Variants in DGKB observed in about 807,000 individuals in gnomAD.
DGKB encodes 90 kDa diacylglycerol kinase.
In DGKB, 67 loss-of-function variants were observed where a neutral mutation model predicts 114.3. The ratio of observed to expected loss-of-function variants is 0.59; its 90% confidence interval spans 0.48 to 0.72. DGKB has a LOEUF of 0.72. Ranked by LOEUF, DGKB falls within the 30% of genes least tolerant of loss-of-function variation. The probability of loss-of-function intolerance (pLI) is 0.00; values close to 1 mark genes in which losing one functional copy is unlikely to be tolerated. For synonymous variants in DGKB, 398 were observed against 323.1 expected (o/e 1.23, Z -2.49); for missense variants, 907 against 975.2 (o/e 0.93, Z 0.93).
chr7:14,690,048 T>C lies in DGKB; in HGVS notation c.711+4027A>G, dbSNP rs146181424. 5.9e-5 allele frequency among the ~76,000 whole-genome samples: 9 copies of C among 152,338 alleles called. No individual in the cohort carries two copies. In the East Asian group the frequency reaches 1.4e-3, roughly 23 times the overall value. On this transcript the variant is annotated intron_variant, in intron 9 of 25. Coordinates refer to ENST00000402815, the MANE Select transcript of DGKB (RefSeq NM_001350709.2). ...TAGATGTGGGTACAACAATCCACAA[T>C]AACAAGTTAAGGTATCGCTATTTCA...
intron 23 of DGKB, among the ~76,000 whole-genome samples, chr7:14,223,768 T>C (rs946400073): frequency 3.3e-5 from 5 of 151,740 alleles, no homozygotes; most frequent in Non-Finnish European, 7.4e-5. Context: ...TTTTGATCAA[T>C]ACAGAATTCA....
At chr7:14,698,482 T>G (rs1980336) in intron 7 of DGKB, among the ~76,000 whole-genome samples, 1 of 152,122 alleles carries the variant, frequency 6.6e-6, no homozygotes, top group Non-Finnish European at 1.5e-5. Context: ...TACTGTCACA[T>G]GTGATTTTTA....
chr7:14,302,303 A>G (rs113143533), intron 23 of DGKB, among the ~76,000 whole-genome samples: 1 of 152,126 alleles, frequency 6.6e-6, no homozygotes, highest in African/African-American at 2.4e-5. Flanking sequence ...TGTTACTGCC[A>G]ATCTTCCTCT....
chr7:14,435,308 A>T, intron 21 of DGKB, among the ~76,000 whole-genome samples: 1 of 152,258 alleles, frequency 6.6e-6, no homozygotes, highest in Non-Finnish European at 1.5e-5. Flanking sequence ...CTGAGTTTTT[A>T]TGTGATTTGA....
chr7:14,800,099 G>A (rs765980336), intron 2 of DGKB, among the ~76,000 whole-genome samples: 1 of 152,050 alleles, frequency 6.6e-6, no homozygotes, highest in African/African-American at 2.4e-5. Flanking sequence ...TGTGTTTTTA[G>A]TAGAGATGGG....
intron 20 of DGKB, among the ~76,000 whole-genome samples, chr7:14,493,925 T>TACACAC (rs372780599): frequency 0.01 from 1,430 of 137,694 alleles, 22 homozygotes; most frequent in African/African-American, 0.034. Flanking sequence ...CATGGTATCA[T>TACACAC]ACACACACAC....
intron 14 of DGKB, among the ~76,000 whole-genome samples, chr7:14,622,781 T>G (rs1807896938): frequency 6.6e-6 from 1 of 152,126 alleles, no homozygotes; most frequent in African/African-American, 2.4e-5. Flanking sequence ...CCAGCTGCAC[T>G]GGCTTCCTCA....
intron 1 of DGKB, among the ~76,000 whole-genome samples, chr7:14,873,186 G>C (rs1437145095): frequency 6.6e-6 from 1 of 152,020 alleles, no homozygotes. Flanking sequence ...TTTATCTTTG[G>C]GAAGTTCTTG....
At chr7:14,428,886 G>A (rs1940537709) in intron 21 of DGKB, among the ~76,000 whole-genome samples, 1 of 151,884 alleles carries the variant, frequency 6.6e-6, no homozygotes, top group Non-Finnish European at 1.5e-5. Flanking sequence ...CATTCCCCAA[G>A]CCCCTATTTT....
At chr7:14,702,315 T>C (rs995435567) in intron 6 of DGKB, among the ~76,000 whole-genome samples, 8 of 152,070 alleles carry the variant, frequency 5.3e-5, no homozygotes, top group African/African-American at 1.4e-4. Context: ...CCAAGCAGTA[T>C]GGGCGAGGAA....
At chr7:14,311,036 G>A (rs6942416) in intron 23 of DGKB, among the ~76,000 whole-genome samples, 33,161 of 151,884 alleles carry the variant, frequency 0.22, 5,944 homozygotes, top group African/African-American at 0.5. Flanking sequence ...GTTAAGGTGG[G>A]AGGATCACTT....
At chr7:14,513,971 C>T (rs534922706) in intron 20 of DGKB, among the ~76,000 whole-genome samples, 2 of 151,912 alleles carry the variant, frequency 1.3e-5, no homozygotes, top group East Asian at 3.9e-4. Flanking sequence ...TTAATTACCA[C>T]AAAAGCAATC....
At chr7:14,466,886 A>G (rs1780561602) in intron 21 of DGKB, among the ~76,000 whole-genome samples, 1 of 152,088 alleles carries the variant, frequency 6.6e-6, no homozygotes, top group Non-Finnish European at 1.5e-5. Context: ...CAGCCTGATG[A>G]CTTTGTCAGT....
chr7:14,886,292 A>T (rs999272140), intron 1 of DGKB, among the ~76,000 whole-genome samples: 1 of 151,894 alleles, frequency 6.6e-6, no homozygotes, highest in Non-Finnish European at 1.5e-5. Flanking sequence ...CATGGGAAGA[A>T]GTGTTTGGAA....
At chr7:14,475,757 C>G (rs1476707137) in intron 21 of DGKB, among the ~76,000 whole-genome samples, 2 of 152,058 alleles carry the variant, frequency 1.3e-5, no homozygotes, top group African/African-American at 4.8e-5. Flanking sequence ...TTGAAGTTTA[C>G]AAACACATTG....
chr7:14,929,510 T>G (rs560922772), intron 1 of DGKB, among the ~76,000 whole-genome samples: 4 of 152,262 alleles, frequency 2.6e-5, no homozygotes, highest in African/African-American at 7.2e-5. Flanking sequence ...TGTTGGCCAT[T>G]TGTATGCCTT....
At chr7:14,684,983 G>T (rs527348941) in intron 10 of DGKB, among the ~76,000 whole-genome samples, 1 of 152,166 alleles carries the variant, frequency 6.6e-6, no homozygotes, top group South Asian at 2.1e-4. Context: ...TGGGAAACAT[G>T]AATAAATTAA....
intron 20 of DGKB, among the ~76,000 whole-genome samples, chr7:14,501,028 A>G (rs1362044891): frequency 1.3e-5 from 2 of 151,854 alleles, no homozygotes; most frequent in East Asian, 3.9e-4. Context: ...AAATATTAAT[A>G]AGCTTGATGA....
chr7:14,342,564 T>C, intron 22 of DGKB, among the ~76,000 whole-genome samples: 1 of 151,966 alleles, frequency 6.6e-6, no homozygotes, highest in East Asian at 1.9e-4. Context: ...TTTACATGTA[T>C]GTGTAAATAC....
Sources: gnomAD v4.1 joint callset for allele counts (sites outside exome capture counted in the v4.1 genomes callset) on GRCh38, gnomAD v4.1.1 for gene constraint, MANE v1.5 for transcripts, NCBI Gene and HGNC (gene_info 2026-07-23, HGNC 2026-07-21) for gene names.